GREB1L: variants seen among roughly 807,000 people sequenced by gnomAD.
The protein encoded by GREB1L is GREB1-like protein.
GREB1L carries 17 observed loss-of-function variants against 200.8 expected under a neutral mutation model. The ratio of observed to expected loss-of-function variants is 0.08; its 90% CI spans 0.06 to 0.13. The LOEUF (loss-of-function observed/expected upper bound fraction) is 0.13. GREB1L is among the 10% of genes least tolerant of loss of function. The pLI, the probability that GREB1L is intolerant of heterozygous loss-of-function variation, is 1.00. For synonymous variants in GREB1L, 789 were observed against 893.0 expected, an observed-to-expected ratio of 0.88 and a Z score of 2.08; for missense variants, 1,657 against 2,367.7, an observed-to-expected ratio of 0.70 and a Z score of 6.23.
intron 1 of GREB1L, among the ~76,000 whole-genome samples, chr18:21,353,120 T>TG (rs2039457527): frequency 6.6e-6 from 1 of 151,154 alleles, no homozygotes; most frequent in African/African-American, 2.4e-5. Flanking sequence ...AAGCGGAACT[T>TG]GCAGTGAGCA....
chr18:21,423,182 G>T (rs1388765952), intron 7 of GREB1L, among the ~76,000 whole-genome samples: 2 of 152,112 alleles, frequency 1.3e-5, no homozygotes, highest in Non-Finnish European at 2.9e-5. Flanking sequence ...GCCCGCCTGA[G>T]CCTCCTAAAG....
chr18:21,395,658 G>T, intron 5 of GREB1L, 97 bp downstream of exon 5: 1 of 814,662 alleles, frequency 1.2e-6, no homozygotes, highest in South Asian at 1.9e-5. Flanking sequence ...ATATACCAGA[G>T]GATTATTTGG....
chr18:21,519,582 A>G (rs1331449431), intron 31 of GREB1L, among the ~76,000 whole-genome samples: 1 of 152,220 alleles, frequency 6.6e-6, no homozygotes, highest in African/African-American at 2.4e-5. Context: ...CCCCTATCCT[A>G]GAGTCCAGGG....
intron 1 of GREB1L, chr18:21,317,575 C>T (rs2038890873): frequency 6.6e-6 from 1 of 152,198 alleles, no homozygotes; most frequent in Non-Finnish European, 1.5e-5. Flanking sequence ...TGCACTCCAG[C>T]CTGGGCAACA....
intron 15 of GREB1L, among the ~76,000 whole-genome samples, chr18:21,462,019 C>T (rs1455384527): frequency 6.6e-6 from 1 of 152,148 alleles, no homozygotes; most frequent in Non-Finnish European, 1.5e-5. Context: ...TCCCAACCAC[C>T]ACTGGCTCTG....
At chr18:21,506,124 G>A (rs537339340) in intron 25 of GREB1L, among the ~76,000 whole-genome samples, 175 bp downstream of exon 25, 1 of 152,130 alleles carries the variant, frequency 6.6e-6, no homozygotes, top group Non-Finnish European at 1.5e-5. Flanking sequence ...GCTGGGCGCG[G>A]TGGCTCACCC....
intron 4 of GREB1L, among the ~76,000 whole-genome samples, chr18:21,390,526 T>TTGTTTGTTTTTG (rs2040753354): frequency 6.6e-6 from 1 of 152,074 alleles, no homozygotes; most frequent in Admixed American, 6.6e-5. Context: ...GTTTGTTTGT[T>TTGTTTGTTTTTG]TGTTTGTTTT....
intron 1 of GREB1L, among the ~76,000 whole-genome samples, chr18:21,254,061 A>ATTTTTTTTTT (rs547876546): frequency 1.4e-5 from 1 of 70,438 alleles, no homozygotes; most frequent in African/African-American, 6.7e-5. Context: ...TTTCAGGCAT[A>ATTTTTTTTTT]TTTTTTTTTT....
intron 1 of GREB1L, among the ~76,000 whole-genome samples, chr18:21,324,993 GA>G (rs1419562485): frequency 6.6e-5 from 10 of 151,630 alleles, no homozygotes; most frequent in Non-Finnish European, 1.3e-4. Flanking sequence ...TAATACCCAG[GA>G]TTGCCTTTTC....
intron 10 of GREB1L, among the ~76,000 whole-genome samples, chr18:21,442,075 G>C (rs1275644470): frequency 6.6e-6 from 1 of 152,194 alleles, no homozygotes; most frequent in East Asian, 1.9e-4. Context: ...GAACCAAGAG[G>C]CCCTACAGTT....
intron 17 of GREB1L, among the ~76,000 whole-genome samples, chr18:21,482,361 G>A (rs1450422116): frequency 2.6e-5 from 4 of 152,202 alleles, no homozygotes; most frequent in East Asian, 1.9e-4. Flanking sequence ...GGGTTCAAGC[G>A]ATTCGTCTGC....
intron 2 of GREB1L, among the ~76,000 whole-genome samples, chr18:21,376,753 C>T (rs1567961212): frequency 7.1e-6 from 1 of 140,506 alleles, no homozygotes; most frequent in African/African-American, 2.7e-5. Flanking sequence ...TGCAGTGAGC[C>T]GAGATCACAC....
chr18:21,465,759 CT>C (rs2035239995), intron 15 of GREB1L, among the ~76,000 whole-genome samples: 1 of 152,020 alleles, frequency 6.6e-6, no homozygotes, highest in Admixed American at 6.6e-5. Context: ...TACATTCCCC[CT>C]TTTTAAGAAG....
intron 1 of GREB1L, among the ~76,000 whole-genome samples, chr18:21,275,193 T>G (rs1180526551): frequency 6.7e-6 from 1 of 150,114 alleles, no homozygotes; most frequent in Non-Finnish European, 1.5e-5. Flanking sequence ...TGAGCAAAGA[T>G]TGCACCACTG....
At chr18:21,304,222 ATATTATTATTAT>A (rs35203034) in intron 1 of GREB1L, among the ~76,000 whole-genome samples, 8 of 148,726 alleles carry the variant, frequency 5.4e-5, no homozygotes, top group Admixed American at 1.3e-4. Flanking sequence ...AGTTAAGCCC[ATATTATTATTAT>A]TATTATTATT....
chr18:21,500,717 T>A (rs1232852290), intron 23 of GREB1L, 75 bp downstream of exon 23: 2 of 1,085,006 alleles, frequency 1.8e-6, no homozygotes, highest in African/African-American at 3.2e-5. Flanking sequence ...GGGAACTTGC[T>A]TTTGGCTTCT....
chr18:21,396,159 C>T (rs887125321), intron 5 of GREB1L, among the ~76,000 whole-genome samples: 22 of 151,900 alleles, frequency 1.4e-4, no homozygotes, highest in African/African-American at 4.8e-4. Context: ...ATCCTCCTGC[C>T]TCAGCCTCCC....
chr18:21,249,213 G>A (rs2037658697), intron 1 of GREB1L, among the ~76,000 whole-genome samples: 1 of 151,846 alleles, frequency 6.6e-6, no homozygotes, highest in East Asian at 1.9e-4. Context: ...TGTCACAAAC[G>A]CACATGAGTA....
chr18:21,467,736 T>C (rs977565420), intron 15 of GREB1L, among the ~76,000 whole-genome samples: 2 of 152,028 alleles, frequency 1.3e-5, no homozygotes, highest in African/African-American at 4.8e-5. Flanking sequence ...CTCCAAGATA[T>C]GAAATGAGCC....
Sources: gnomAD v4.1 joint callset for allele counts (sites outside exome capture counted in the v4.1 genomes callset) on GRCh38, gnomAD v4.1.1 for gene constraint, MANE v1.5 for transcripts, NCBI Gene and HGNC (gene_info 2026-07-23, HGNC 2026-07-21) for gene names.